Variants in POLR3E observed in about 807,000 individuals in gnomAD.
POLR3E encodes DNA-directed RNA polymerase III subunit RPC5.
A neutral mutation model predicts 96.6 loss-of-function variants in POLR3E; 41 were observed. The observed-to-expected ratio is 0.42, with a 90% confidence interval of 0.33 to 0.55. The LOEUF is 0.55. Ranked by LOEUF, POLR3E falls within the 20% of genes least tolerant of loss-of-function variation. The probability of loss-of-function intolerance (pLI) is 0.06; values close to 1 mark genes in which losing one functional copy is unlikely to be tolerated. For synonymous variants in POLR3E, 396 were observed against 383.6 expected (o/e 1.03, Z -0.38); for missense variants, 849 against 952.1 (o/e 0.89, Z 1.43).
At chr16:22,306,016 G>T (rs1363371730) in intron 3 of POLR3E, among the ~76,000 whole-genome samples, 1 of 152,104 alleles carries the variant, frequency 6.6e-6, no homozygotes, top group African/African-American at 2.4e-5. Context: ...GGACAGTTTT[G>T]TCCCCCTTTA....
At chr16:22,331,815 G>A in intron 19 of POLR3E, 1 of 395,806 alleles carries the variant, frequency 2.5e-6, no homozygotes, top group South Asian at 2.7e-5. Flanking sequence ...ATATACCTTT[G>A]TTTTTATTTA....
intron 2 of POLR3E, 76 bp from the exon 3 acceptor site, chr16:22,305,080 T>G: frequency 8.7e-7 from 1 of 1,144,292 alleles, no homozygotes; most frequent in Non-Finnish European, 1.3e-6. Flanking sequence ...TAACTGAAGC[T>G]GGAAGCGCTG....
intron 2 of POLR3E, 67 bp from the exon 3 acceptor site, chr16:22,305,089 T>C: frequency 7.9e-7 from 1 of 1,267,596 alleles, no homozygotes; most frequent in Non-Finnish European, 1.2e-6. Context: ...CTGGAAGCGC[T>C]GGCATAGCCC....
At chr16:22,305,692 G>A (rs1434452968) in intron 3 of POLR3E, among the ~76,000 whole-genome samples, 2 of 152,144 alleles carry the variant, frequency 1.3e-5, no homozygotes, top group East Asian at 1.9e-4. Flanking sequence ...CCATGGCAGC[G>A]TCTGTGAGCC....
chr16:22,317,662 GTTGTTTT>G (rs1567320897), intron 12 of POLR3E, among the ~76,000 whole-genome samples: 2 of 149,078 alleles, frequency 1.3e-5, no homozygotes, highest in African/African-American at 5.0e-5. Flanking sequence ...TGTTGTTGTT[GTTGTTTT>G]TTTTTTTAAG....
chr16:22,315,674 A>T (rs887381458), intron 9 of POLR3E, among the ~76,000 whole-genome samples: 9 of 151,612 alleles, frequency 5.9e-5, no homozygotes, highest in Admixed American at 3.9e-4. Context: ...TTATTTATTT[A>T]TTATTTATTT....
At position 22,313,570 on chromosome 16, in the gene POLR3E, A is replaced by G; in HGVS notation, c.365-50A>G. The G allele has an allele frequency of 3.1e-6, 4 of 1,308,728 alleles. No homozygotes were observed. The highest frequency in any genetic ancestry group is 4.4e-6 in the Non-Finnish European group (4 of 905,218). The allele number at this position is 1,308,728 out of a possible 1,614,324, so 81.1% of individuals were successfully genotyped here. A position where few individuals can be genotyped will look rare whatever the true frequency, so the allele number is the denominator to read the frequency against. ...CGGGACTTGGTGACTCTCTTGAGCC[A>G]AACTGGGTGGGTTTCTAGAGTTGAG... On this transcript the variant is annotated intron_variant, in intron 6 of 20. Coordinates refer to ENST00000299853, the MANE Select transcript of POLR3E (RefSeq NM_018119.4). The surrounding 1 kb of genome is among the most constrained non-coding windows in gnomAD (Gnocchi z 4.1).
At chr16:22,297,568 G>A (rs1307263615) in intron 1 of POLR3E, 31 bp downstream of exon 1, 1 of 152,438 alleles carries the variant, frequency 6.6e-6, no homozygotes, top group Admixed American at 6.5e-5. Context: ...GCCCGAGCTG[G>A]GGCTTGAGCC....
At chr16:22,325,731 T>C in intron 17 of POLR3E, 30 bp from the exon 18 acceptor site, 1 of 1,526,286 alleles carries the variant, frequency 6.6e-7, no homozygotes, top group Non-Finnish European at 8.8e-7. Flanking sequence ...CCCTGTGCCC[T>C]CCTGAGCAGT....
chr16:22,307,952 G>C (rs1005555704), intron 3 of POLR3E, among the ~76,000 whole-genome samples, 196 bp from the exon 4 acceptor site: 1 of 152,178 alleles, frequency 6.6e-6, no homozygotes, highest in South Asian at 2.1e-4. Context: ...GCCGTGGGGA[G>C]CTGATGAGAA....
At position 22,316,976 on chromosome 16, in the gene POLR3E, C is replaced by G; in HGVS notation, c.729-19C>G. On this transcript the variant is annotated intron_variant, in intron 10 of 20. Coordinates refer to ENST00000299853, the MANE Select transcript of POLR3E (RefSeq NM_018119.4). ...GCCTGGATCAGCCCTGAGCCTCTGC[C>G]CCTGCCATGTCCCTGCAGTGAGTAC... 1 of 1,613,764 alleles carries G rather than the reference C, an allele frequency of 6.2e-7. No individual in the cohort carries two copies.
intron 6 of POLR3E, 38 bp downstream of exon 6, chr16:22,309,548 AT>A (rs2048202936): frequency 9.5e-7 from 1 of 1,050,798 alleles, no homozygotes; most frequent in Non-Finnish European, 1.5e-6. Flanking sequence ...GGGACATGGC[AT>A]TGGGGGGGGC....
intron 2 of POLR3E, among the ~76,000 whole-genome samples, chr16:22,303,411 G>A (rs1465920375): frequency 3.9e-5 from 6 of 152,108 alleles, no homozygotes; most frequent in African/African-American, 4.8e-5. Context: ...CCAGGTACCC[G>A]GCGACTATTT....
chr16:22,298,231 CCA>C (rs1209239045), intron 1 of POLR3E, among the ~76,000 whole-genome samples: 1 of 151,932 alleles, frequency 6.6e-6, no homozygotes, highest in African/African-American at 2.4e-5. Flanking sequence ...TTAGCGATCT[CCA>C]CAGTTTCCTC....
intron 1 of POLR3E, chr16:22,302,675 C>A: frequency 2.2e-6 from 1 of 450,862 alleles, no homozygotes; most frequent in Non-Finnish European, 4.0e-6. Context: ...TGCCTTTCCC[C>A]GCAGGTGCAG....
intron 2 of POLR3E, among the ~76,000 whole-genome samples, chr16:22,304,581 A>G (rs1567308352): frequency 1.3e-5 from 2 of 152,178 alleles, no homozygotes; most frequent in East Asian, 1.9e-4. Flanking sequence ...GTATAGGGAA[A>G]AGCATGTGCA....
rs1480812390 is a variant in POLR3E at position 22,297,441 on chromosome 16, TGGCCGCCGCCTGAGAGGAGAGCCG to T, written c.-124_-101del. 4 of 152,406 alleles carry T rather than the reference TGGCCGCCGCCTGAGAGGAGAGCCG, an allele frequency of 2.6e-5. No individual in the cohort carries two copies. The highest frequency in any genetic ancestry group is 1.3e-4 in the Admixed American group (2 of 15,278). The allele number at this position is 152,406 out of a possible 1,614,324, so 9.4% of individuals were successfully genotyped here. ...CGCCGGAGTTTCTCCACCAGCAACA[TGGCCGCCGCCTGAGAGGAGAGCCG>T]GGCCGCCGCCGTCTCTGCAGCCCGC... On this transcript the variant is annotated 5_prime_UTR_variant, in exon 1 of 21. It removes the in-frame stop codon of an upstream open reading frame in the 5' UTR. Coordinates refer to ENST00000299853, the MANE Select transcript of POLR3E (RefSeq NM_018119.4).
chr16:22,323,813 C>G (rs928515985), intron 14 of POLR3E, among the ~76,000 whole-genome samples: 1 of 152,132 alleles, frequency 6.6e-6, no homozygotes, highest in African/African-American at 2.4e-5. Context: ...GTGGTCCAGT[C>G]TATGTTAGCG....
At chr16:22,328,456 A>C in intron 18 of POLR3E, 54 bp from the exon 19 acceptor site, 5 of 1,464,484 alleles carry the variant, frequency 3.4e-6, no homozygotes, top group Non-Finnish European at 4.8e-6. Context: ...GAGGCAAGCA[A>C]ATGGATCCAT....
Sources: allele counts gnomAD v4.1 joint callset (sites outside exome capture counted in the v4.1 genomes callset), GRCh38; gene constraint gnomAD v4.1.1; non-coding constraint Gnocchi (gnomAD v3.1); transcripts MANE v1.5; gene names NCBI Gene and HGNC (gene_info 2026-07-23, HGNC 2026-07-21).